The following SLC38A9 variants were observed in gnomAD, a reference collection of about 807,000 sequenced individuals.
SLC38A9 encodes the protein neutral amino acid transporter 9.
Under a neutral mutation model 62.3 loss-of-function variants are expected in SLC38A9, and 48 were observed. The ratio of observed to expected loss-of-function variants is 0.77; its 90% CI spans 0.61 to 0.98. The LOEUF (loss-of-function observed/expected upper bound fraction) is 0.98. Ranked by LOEUF, SLC38A9 falls within the 50% of genes least tolerant of loss-of-function variation. The probability of loss-of-function intolerance (pLI) is 0.00; values close to 1 mark genes in which losing one functional copy is unlikely to be tolerated. For synonymous variants in SLC38A9, 204 were observed against 227.7 expected (o/e 0.90, Z 0.94); for missense variants, 541 against 679.8 (o/e 0.80, Z 2.27).
intron 7 of SLC38A9, among the ~76,000 whole-genome samples, chr5:55,665,782 G>A (rs552757359): frequency 6.6e-6 from 1 of 151,744 alleles, no homozygotes; most frequent in Non-Finnish European, 1.5e-5. Flanking sequence ...TGAGCAACAT[G>A]GCAAAACCCC....
chr5:55,660,013 G>A (rs1440548603), intron 8 of SLC38A9, among the ~76,000 whole-genome samples: 3 of 151,604 alleles, frequency 2.0e-5, no homozygotes, highest in Non-Finnish European at 4.4e-5. Flanking sequence ...TGATCTGCCC[G>A]CCTTGGCCTC....
chr5:55,635,350 T>G (rs151303708), intron 13 of SLC38A9, 194 bp downstream of exon 13: 616 of 613,762 alleles, frequency 1.0e-3, no homozygotes, highest in Middle Eastern at 6.2e-3. Flanking sequence ...CTTATTATAC[T>G]ATTTAATGGA....
chr5:55,663,296 CAAAAAAAAAAAAAA>C (rs555065009), intron 8 of SLC38A9, among the ~76,000 whole-genome samples: 1 of 93,122 alleles, frequency 1.1e-5, no homozygotes, highest in Non-Finnish European at 1.9e-5. Flanking sequence ...TCTGTCTCTA[CAAAAAAAAAAAAAA>C]AAAAAAAAAA....
At chr5:55,658,138 A>C (rs1162210301) in intron 8 of SLC38A9, 1 of 150,474 alleles carries the variant, frequency 6.6e-6, no homozygotes, top group Non-Finnish European at 1.5e-5. Context: ...GTGGGCCCTA[A>C]AGCCAATGAC....
chr5:55,671,835 G>A lies in SLC38A9; in HGVS notation c.246+728C>T, dbSNP rs146890173. Among the ~76,000 whole-genome samples, 990 of 151,774 alleles carry A rather than the reference G, an allele frequency of 6.5e-3. 13 individuals carry two copies. The highest frequency in any genetic ancestry group is 0.023 in the African/African-American group (956 of 41,392). Reference sequence around the variant, plus strand: ...TGCACTCCAGCCTGGGTGATAGAGCGACACTCCATCTCAAAAAAAAAGAGA... The same window carrying A: ...TGCACTCCAGCCTGGGTGATAGAGCAACACTCCATCTCAAAAAAAAAGAGA... On this transcript the variant is annotated intron_variant, in intron 4 of 15. Transcript: ENST00000396865.
chr5:55,676,825 T>C (rs1752166089), intron 3 of SLC38A9, among the ~76,000 whole-genome samples: 1 of 148,720 alleles, frequency 6.7e-6, no homozygotes, highest in African/African-American at 2.5e-5. Context: ...AGATGGTATT[T>C]TAATCGTCTG....
intron 3 of SLC38A9, among the ~76,000 whole-genome samples, chr5:55,688,380 CTTTTTTTT>C (rs767493953): frequency 8.1e-6 from 1 of 123,294 alleles, no homozygotes; most frequent in African/African-American, 3.1e-5. Context: ...GGCATAATCT[CTTTTTTTT>C]TTTTTTTTTT....
chr5:55,645,583 C>G (rs1189736394), intron 12 of SLC38A9, among the ~76,000 whole-genome samples: 1 of 152,176 alleles, frequency 6.6e-6, no homozygotes, highest in South Asian at 2.1e-4. Context: ...GCAACAAAAA[C>G]CATAAGGCCT....
intron 3 of SLC38A9, among the ~76,000 whole-genome samples, chr5:55,681,790 T>C (rs1580331228): frequency 6.6e-6 from 1 of 152,286 alleles, no homozygotes; most frequent in South Asian, 2.1e-4. Context: ...CAGGGGTCGG[T>C]ACACTATGGC....
intron 14 of SLC38A9, 141 bp downstream of exon 14, chr5:55,633,613 G>A (rs1025407077): frequency 4.5e-6 from 5 of 1,115,462 alleles, no homozygotes; most frequent in Non-Finnish European, 6.3e-6. Context: ...CTTCAGGGAA[G>A]AGGACACCAA....
At chr5:55,697,622 A>G (rs1237338821) in intron 3 of SLC38A9, among the ~76,000 whole-genome samples, 3 of 148,762 alleles carry the variant, frequency 2.0e-5, no homozygotes, top group Non-Finnish European at 4.4e-5. Context: ...AGTTACCCCA[A>G]CCACTCCCCC....
intron 3 of SLC38A9, among the ~76,000 whole-genome samples, chr5:55,683,127 C>T (rs1264525778): frequency 6.6e-6 from 1 of 152,060 alleles, no homozygotes; most frequent in Non-Finnish European, 1.5e-5. Flanking sequence ...AAAAGCAGCA[C>T]AATAAATTAC....
At chr5:55,682,395 C>A (rs13183662) in intron 3 of SLC38A9, among the ~76,000 whole-genome samples, 82,953 of 152,026 alleles carry the variant, frequency 0.55, 24,011 homozygotes, top group South Asian at 0.65. Flanking sequence ...CAACCAGAAC[C>A]TATAGCATAG....
At position 55,631,707 on chromosome 5, in the gene SLC38A9, T is replaced by C. The variant is rs531091320; in HGVS notation, c.1430+2047A>G. On this transcript the variant is annotated intron_variant, in intron 14 of 15. Coordinates refer to ENST00000396865, the MANE Select transcript of SLC38A9 (RefSeq NM_173514.4). The stretch of plus-strand genomic sequence containing the variant: ...AAAATTATTTATCGAAGAAGCAGAC[T>C]ACATCAGTTCATTTTAAACAAGAAC... Among the ~76,000 whole-genome samples the C allele has an allele frequency of 6.6e-5, 10 of 152,350 alleles. No individual in the cohort carries two copies. In the South Asian group the frequency reaches 2.1e-3, roughly 32 times the overall value.
intron 7 of SLC38A9, among the ~76,000 whole-genome samples, chr5:55,666,425 C>T (rs1022488743): frequency 6.6e-6 from 1 of 152,156 alleles, no homozygotes; most frequent in African/African-American, 2.4e-5. Context: ...CTTTGAACTA[C>T]TTTGAAATAA....
intron 3 of SLC38A9, among the ~76,000 whole-genome samples, chr5:55,686,902 G>C (rs536643138): frequency 6.6e-6 from 1 of 152,008 alleles, no homozygotes; most frequent in Non-Finnish European, 1.5e-5. Flanking sequence ...TTTTTGTCAG[G>C]TTTGTTGAAG....
chr5:55,668,865 A>C (rs899235739), intron 7 of SLC38A9, among the ~76,000 whole-genome samples: 3 of 152,224 alleles, frequency 2.0e-5, no homozygotes, highest in African/African-American at 7.2e-5. Flanking sequence ...TCTAACATTT[A>C]GATCTTTTGG....
chr5:55,644,099 G>T (rs1327107862), intron 12 of SLC38A9, among the ~76,000 whole-genome samples: 4 of 151,892 alleles, frequency 2.6e-5, no homozygotes, highest in African/African-American at 9.7e-5. Context: ...TAGCTGGGAT[G>T]ACAGGTGTGC....
chr5:55,688,552 T>C (rs917379310), intron 3 of SLC38A9, among the ~76,000 whole-genome samples: 1 of 151,964 alleles, frequency 6.6e-6, no homozygotes, highest in Non-Finnish European at 1.5e-5. Context: ...GCTCATTTTT[T>C]TGTATTTTTA....
Sources: gnomAD v4.1 joint callset for allele counts (sites outside exome capture counted in the v4.1 genomes callset) on GRCh38, gnomAD v4.1.1 for gene constraint, MANE v1.5 for transcripts, NCBI Gene and HGNC (gene_info 2026-07-23, HGNC 2026-07-21) for gene names.